AKAP8: variants seen among roughly 807,000 people sequenced by gnomAD.
AKAP8 encodes the protein A-kinase anchoring protein 8.
A neutral mutation model predicts 67.5 loss-of-function variants in AKAP8; 24 were observed. The observed-to-expected ratio is 0.36, with a 90% CI of 0.26 to 0.50. AKAP8 has a LOEUF of 0.50. AKAP8 is among the 20% of genes least tolerant of loss of function. The pLI is 0.97. For missense variants in AKAP8, 971 were observed against 955.9 expected (o/e 1.02, Z -0.21); for synonymous variants, 400 against 371.1 (o/e 1.08, Z -0.90).
intron 13 of AKAP8, among the ~76,000 whole-genome samples, chr19:15,357,926 G>A (rs368829340): frequency 2.0e-5 from 3 of 151,666 alleles, no homozygotes; most frequent in Non-Finnish European, 4.4e-5. Context: ...AAAGTGATCC[G>A]CCCACCCCAG....
rs530180003 is a variant in AKAP8, at chr19:15,362,556, C to T, written c.1161-305G>A. ...TATTTTTTTGGTGGAGACGGGGTTT[C>T]GCTGTGTTGGCCGGGCTGGTCTCCA... On this transcript the variant is annotated intron_variant, in intron 9 of 13. Coordinates refer to ENST00000269701, the MANE Select transcript of AKAP8 (RefSeq NM_005858.4). Among the ~76,000 whole-genome samples, 1,344 of 151,884 alleles carry T rather than the reference C, an allele frequency of 8.8e-3. 16 individuals are homozygous for T. The highest frequency in any genetic ancestry group is 0.027 in the Middle Eastern group (8 of 294).
In AKAP8 at chr19:15,372,605, C is replaced by T. The variant is rs184880677; in HGVS notation, c.861+246G>A. On this transcript the variant is annotated intron_variant, in intron 5 of 13. Transcript: ENST00000269701. ...AAATCCAGAGACCAGTGGTGGTTGT[C>T]GGGGGCTGGTGGGGGCGGGGAAGAG... Among the ~76,000 whole-genome samples, 14 of 139,826 alleles carry T rather than the reference C, an allele frequency of 1.0e-4. No individual in the cohort carries two copies. In the East Asian group the frequency reaches 3.2e-3, roughly 31 times the overall value. The allele number at this position is 139,826 out of a possible 152,430, so 91.7% of individuals were successfully genotyped here. A position where few individuals can be genotyped will look rare whatever the true frequency, so the allele number is the denominator to read the frequency against.
At position 15,375,234 on chromosome 19, in the gene AKAP8, G is replaced by A. The variant is rs1053064233; in HGVS notation, c.59-599C>T. On this transcript the variant is annotated intron_variant, in intron 2 of 13. Transcript: ENST00000269701. ...GAAAGGAGAAAGCCTCGCCAGCAGA[G>A]AGCATGCACTGGTTCGCCACACAAG... Among the ~76,000 whole-genome samples the A allele has an allele frequency of 1.5e-4, 23 of 152,284 alleles. 1 individual carries two copies. The highest frequency in any genetic ancestry group is 5.5e-4 in the African/African-American group (23 of 41,562).
At chr19:15,377,910 G>C (rs1967281750) in intron 1 of AKAP8, among the ~76,000 whole-genome samples, 1 of 152,188 alleles carries the variant, frequency 6.6e-6, no homozygotes, top group Admixed American at 6.5e-5. Context: ...CCTCCAGGAA[G>C]GAGAATGGGA....
chr19:15,355,431 G>C lies in AKAP8; in HGVS notation c.1624-61C>G, dbSNP rs997222030. The C allele has an allele frequency of 4.0e-6, 6 of 1,483,870 alleles. No individual in the cohort carries two copies. In the South Asian group the frequency reaches 7.5e-5, roughly 19 times the overall value. 91.9% of individuals were successfully genotyped at this position (1,483,870 alleles called of 1,614,324 possible). On this transcript the variant is annotated intron_variant, in intron 13 of 13. Transcript: ENST00000269701. ...AGCAGAGCTCAGGAGGCCCATGATT[G>C]CGGGGATGTCAGCTTTTCAGAACCA...
At chr19:15,359,159 T>C in intron 12 of AKAP8, 97 bp from the exon 13 acceptor site, 4 of 1,108,148 alleles carry the variant, frequency 3.6e-6, no homozygotes, top group East Asian at 2.4e-5. Context: ...AGATCAGCCC[T>C]ATGCAGAGAA....
intron 1 of AKAP8, chr19:15,378,999 T>A (rs1369511435): frequency 6.5e-6 from 1 of 153,100 alleles, no homozygotes; most frequent in Non-Finnish European, 1.5e-5. Flanking sequence ...TCCAGCTTTA[T>A]ACGAACACTC....
Position 15,372,275 on chromosome 19 carries a change from C to T in AKAP8, c.934G>A (p.Glu312Lys), listed in dbSNP as rs199867696. Residue 312 changes from glutamate (E) to lysine (K), a missense_variant, in exon 6 of 14, where the codon GAG becomes AAG. Glu to Lys is a moderately conservative substitution (Grantham distance 56). Coordinates refer to ENST00000269701, the MANE Select transcript of AKAP8 (RefSeq NM_005858.4). ...GRKRKQFQLY[E>K]EPDTKLARVD... ...CGGGCCAGTTTGGTGTCTGGCTCCT[C>T]GTAAAGTTGGAACTGCTTCCGTTTC... The T allele has an allele frequency of 1.6e-5, 26 of 1,614,074 alleles. No homozygotes were observed. Among genetic ancestry groups the T allele is most frequent in the African/African-American group, 1.6e-4 (12 of 74,918 alleles).
chr19:15,374,640 G>A lies in AKAP8; in HGVS notation c.59-5C>T. ...CCACACCAGTTCCATATGCACCTTAGGGGAAACAGAAACACACAAGAGCCC... is the reference window on the plus strand; with the variant it reads ...CCACACCAGTTCCATATGCACCTTAAGGGAAACAGAAACACACAAGAGCCC... On this transcript the variant is annotated splice_region_variant and splice_polypyrimidine_tract_variant and intron_variant, in intron 2 of 13. Transcript: ENST00000269701. 2 of 1,613,404 alleles carry A rather than the reference G, an allele frequency of 1.2e-6. No homozygotes were observed. The highest frequency in any genetic ancestry group is 1.7e-6 in the Non-Finnish European group (2 of 1,179,674).
intron 9 of AKAP8, among the ~76,000 whole-genome samples, chr19:15,366,154 G>GAAA (rs374068497): frequency 1.1e-5 from 1 of 95,024 alleles, no homozygotes; most frequent in Non-Finnish European, 1.9e-5. Context: ...AAAGCAAAAA[G>GAAA]AAAAAAAAAA....
At chr19:15,366,148 C>CAAAAAAAAAAAAAAA (rs1419505135) in intron 9 of AKAP8, among the ~76,000 whole-genome samples, 1 of 18,750 alleles carries the variant, frequency 5.3e-5, no homozygotes, top group Non-Finnish European at 9.4e-5. Context: ...GAAAAAAAAG[C>CAAAAAAAAAAAAAAA]AAAAAGAAAA....
chr19:15,374,078 G>T lies in AKAP8; in HGVS notation c.92-13C>A. ...TAGTTTTCATAACCTGTCACAGGGGGAGGAGCCAAGTCAGACTTCAGCAGC... is the reference window on the plus strand; with the variant it reads ...TAGTTTTCATAACCTGTCACAGGGGTAGGAGCCAAGTCAGACTTCAGCAGC... On this transcript the variant is annotated splice_polypyrimidine_tract_variant and intron_variant, in intron 3 of 13. Transcript: ENST00000269701. 6.5e-7 allele frequency: 1 copy of T among 1,535,956 alleles called. No individual in the cohort carries two copies. Among genetic ancestry groups the T allele is most frequent in the South Asian group, 1.3e-5 (1 of 78,346 alleles).
chr19:15,374,678 G>A lies in AKAP8; in HGVS notation c.59-43C>T, dbSNP rs775734991. ...CACACAAGAGCCCTGTTTGCAGAAC[G>A]AAGGCACTGACACCCCAGCTGTCAC... On this transcript the variant is annotated intron_variant, in intron 2 of 13. Coordinates refer to ENST00000269701, the MANE Select transcript of AKAP8 (RefSeq NM_005858.4). 8 of 1,609,550 alleles carry A rather than the reference G, an allele frequency of 5.0e-6. No individual in the cohort carries two copies. In the African/African-American group the frequency reaches 5.3e-5, roughly 11 times the overall value.
In AKAP8 at chr19:15,355,230, G is replaced by A. The variant is rs745567000; in HGVS notation, c.1764C>T (p.Ala588=). ...LAEVITAAVR[A]VDGEGAPAPE... Reference sequence around the variant, plus strand: ...GAGCGGGCGCTCCTTCCCCATCTACGGCCCTCACTGCTGCTGTAATCACCT... The same window carrying A: ...GAGCGGGCGCTCCTTCCCCATCTACAGCCCTCACTGCTGCTGTAATCACCT... Residue 588 remains alanine, a synonymous_variant, in exon 14 of 14, where the codon GCC becomes GCT. Transcript: ENST00000269701. 35 of 1,611,288 alleles carry A rather than the reference G, an allele frequency of 2.2e-5. No individual in the cohort carries two copies. Among genetic ancestry groups the A allele is most frequent in the South Asian group, 3.3e-5 (3 of 91,084 alleles).
rs1202705546 is a variant in AKAP8, at chr19:15,369,807, G to T, written c.1072+339C>A. 6.6e-6 allele frequency among the ~76,000 whole-genome samples: 1 copy of T among 152,210 alleles called. No homozygotes were observed. Among genetic ancestry groups the T allele is most frequent in the Admixed American group, 6.5e-5 (1 of 15,282 alleles). On this transcript the variant is annotated intron_variant, in intron 8 of 13. Coordinates refer to ENST00000269701, the MANE Select transcript of AKAP8 (RefSeq NM_005858.4). The surrounding 1 kb of genome is among the most constrained non-coding windows in gnomAD (Gnocchi z 4.6). ...AACACTTCAGGGAAATGCACTGGCC[G>T]AGGAGGGCACAGAAGATGGGCTGGG...
chr19:15,355,193 C>G lies in AKAP8; in HGVS notation c.1801G>C (p.Gly601Arg), dbSNP rs774075327. The G allele has an allele frequency of 4.3e-6, 7 of 1,611,724 alleles. No individual in the cohort carries two copies. The Admixed American group carries it at 1.0e-4, about 23-fold the overall frequency. The change falls in exon 14 of 14, where the codon GGG becomes CGG. Residue 601 changes from glycine (G) to arginine (R), a missense_variant. Gly to Arg is a moderately radical substitution (Grantham distance 125). Coordinates refer to ENST00000269701, the MANE Select transcript of AKAP8 (RefSeq NM_005858.4). ...GEGAPAPESS[G>R]EPAEDEGPTD... ...GGGCCTTCGTCCTCAGCCGGCTCCC[C>G]GCTGCTCTCTGGAGCGGGCGCTCCT...
chr19:15,373,307 G>A lies in AKAP8; in HGVS notation c.405C>T (p.Asp135=). The change falls in exon 5 of 14, where the codon GAC becomes GAT. Residue 135 remains aspartate, a synonymous_variant. Coordinates refer to ENST00000269701, the MANE Select transcript of AKAP8 (RefSeq NM_005858.4). ...SFRFQPFESY[D]SRPCLPEHNP... is the part of the protein sequence containing the mutation. ...TGTGCTCCGGCAGGCAGGGCCTGGA[G>A]TCATAGGACTCGAACGGCTGGAAGC... is the stretch of plus-strand genomic sequence containing the variant. 3.1e-6 allele frequency: 5 copies of A among 1,613,054 alleles called. No homozygotes were observed. Among genetic ancestry groups the A allele is most frequent in the Non-Finnish European group, 4.2e-6 (5 of 1,179,646 alleles).
chr19:15,368,999 A>T, intron 8 of AKAP8: 1 of 986,148 alleles, frequency 1.0e-6, no homozygotes, highest in Non-Finnish European at 1.2e-6. Context: ...CGCGGCCATC[A>T]TCCCAGCATG....
intron 11 of AKAP8, chr19:15,361,349 CTTTTTT>C (rs34004834): frequency 1.2e-4 from 14 of 118,898 alleles, no homozygotes; most frequent in South Asian, 3.5e-4. Flanking sequence ...CTTCATGCCA[CTTTTTT>C]TTTTTTTTTT....
Sources: gnomAD v4.1 joint callset for allele counts (sites outside exome capture counted in the v4.1 genomes callset) on GRCh38, gnomAD v4.1.1 for gene constraint, Gnocchi (gnomAD v3.1) non-coding constraint, MANE v1.5 for transcripts, NCBI Gene and HGNC (gene_info 2026-07-23, HGNC 2026-07-21) for gene names.